KSR2: variants seen among roughly 807,000 people sequenced by gnomAD.
KSR2 encodes the protein kinase suppressor of ras 2.
A neutral mutation model predicts 107.8 loss-of-function variants in KSR2; 25 were observed. The observed-to-expected ratio is 0.23, with a 90% CI of 0.17 to 0.32. KSR2 has a LOEUF of 0.32. Ranked by LOEUF, KSR2 falls within the 10% of genes least tolerant of loss-of-function variation. The probability of loss-of-function intolerance (pLI) is 1.00; values close to 1 mark genes in which losing one functional copy is unlikely to be tolerated. For missense variants in KSR2, 887 were observed against 1,268.9 expected (o/e 0.70, Z 4.57); for synonymous variants, 480 against 507.0 (o/e 0.95, Z 0.71).
At chr12:117,941,032 C>T (rs1048864723) in intron 1 of KSR2, among the ~76,000 whole-genome samples, 2 of 152,036 alleles carry the variant, frequency 1.3e-5, no homozygotes, top group African/African-American at 2.4e-5. Context: ...TTGCAGTGAG[C>T]CAAGATCGTG....
At chr12:117,792,885 ACAC>A (rs1172564487) in intron 3 of KSR2, among the ~76,000 whole-genome samples, 1 of 151,736 alleles carries the variant, frequency 6.6e-6, no homozygotes, top group Non-Finnish European at 1.5e-5. Flanking sequence ...ATGCACACAC[ACAC>A]AACATGCAGA....
At chr12:117,537,973 C>T (rs1448013224) in intron 10 of KSR2, among the ~76,000 whole-genome samples, 2 of 152,144 alleles carry the variant, frequency 1.3e-5, no homozygotes, top group East Asian at 1.9e-4. Context: ...ATCCCTTGGT[C>T]CATAAATAAG....
chr12:117,824,955 G>C (rs1891690050), intron 3 of KSR2, among the ~76,000 whole-genome samples: 2 of 151,994 alleles, frequency 1.3e-5, no homozygotes, highest in Admixed American at 6.6e-5. Context: ...TGAGGTGGGT[G>C]GATCACTTGA....
At chr12:117,624,550 T>C (rs1348724599) in intron 5 of KSR2, among the ~76,000 whole-genome samples, 1 of 152,232 alleles carries the variant, frequency 6.6e-6, no homozygotes, top group Non-Finnish European at 1.5e-5. Flanking sequence ...GTGTTATTTC[T>C]GAGACCTGTC....
At chr12:117,660,100 G>C (rs1044146391) in intron 5 of KSR2, among the ~76,000 whole-genome samples, 1 of 152,110 alleles carries the variant, frequency 6.6e-6, no homozygotes, top group Non-Finnish European at 1.5e-5. Context: ...GTTCCAGCTG[G>C]CATTTAAGGT....
At chr12:117,687,778 T>C (rs1228138059) in intron 4 of KSR2, among the ~76,000 whole-genome samples, 1 of 152,138 alleles carries the variant, frequency 6.6e-6, no homozygotes, top group Non-Finnish European at 1.5e-5. Context: ...TGAGTCTCTC[T>C]TGGGAATATG....
chr12:117,894,744 T>TC (rs998703412), intron 1 of KSR2, among the ~76,000 whole-genome samples: 2 of 52,272 alleles, frequency 3.8e-5, no homozygotes, highest in Non-Finnish European at 6.8e-5. Flanking sequence ...CCTCTCCCCC[T>TC]CCCCCTCTCC....
At chr12:117,653,364 C>T (rs1385277779) in intron 5 of KSR2, among the ~76,000 whole-genome samples, 3 of 152,262 alleles carry the variant, frequency 2.0e-5, no homozygotes, top group East Asian at 1.9e-4. Flanking sequence ...AGGCAATTTA[C>T]CTTCAGCTGG....
At chr12:117,905,929 GATT>G (rs1255905231) in intron 1 of KSR2, among the ~76,000 whole-genome samples, 1 of 150,726 alleles carries the variant, frequency 6.6e-6, no homozygotes, top group African/African-American at 2.4e-5. Flanking sequence ...AAAAAAAAAT[GATT>G]ATAGTAGTGA....
intron 14 of KSR2, among the ~76,000 whole-genome samples, chr12:117,497,147 G>A (rs568366993): frequency 3.9e-5 from 6 of 152,178 alleles, no homozygotes; most frequent in Admixed American, 3.3e-4. Flanking sequence ...TGAAGTGCTA[G>A]GATTATAGGC....
chr12:117,484,913 T>G (rs1872375485), intron 15 of KSR2, among the ~76,000 whole-genome samples: 1 of 152,210 alleles, frequency 6.6e-6, no homozygotes, highest in Non-Finnish European at 1.5e-5. Context: ...GACTAGATAG[T>G]CAGATCTACT....
At chr12:117,796,886 G>A (rs1191396137) in intron 3 of KSR2, among the ~76,000 whole-genome samples, 1 of 152,114 alleles carries the variant, frequency 6.6e-6, no homozygotes, top group African/African-American at 2.4e-5. Context: ...CAACTCCACA[G>A]CCAAGGAGGC....
chr12:117,909,864 C>T (rs899233060), intron 1 of KSR2, among the ~76,000 whole-genome samples: 7 of 150,924 alleles, frequency 4.6e-5, no homozygotes, highest in African/African-American at 1.2e-4. Flanking sequence ...GTCGAGATCA[C>T]GCCACTGCAT....
chr12:117,643,722 C>A (rs1182151958), intron 5 of KSR2, among the ~76,000 whole-genome samples: 3 of 151,864 alleles, frequency 2.0e-5, no homozygotes, highest in Admixed American at 1.3e-4. Context: ...GTTAAATAGC[C>A]CCCCGATTCT....
At chr12:117,598,781 G>A (rs1176471624) in intron 5 of KSR2, among the ~76,000 whole-genome samples, 1 of 151,836 alleles carries the variant, frequency 6.6e-6, no homozygotes, top group Non-Finnish European at 1.5e-5. Flanking sequence ...GCCCTTTGCA[G>A]AGAAGCAAGG....
At chr12:117,866,760 C>T (rs868809829) in intron 1 of KSR2, among the ~76,000 whole-genome samples, 2 of 151,830 alleles carry the variant, frequency 1.3e-5, no homozygotes, top group African/African-American at 2.4e-5. Context: ...ACCCGGGAGG[C>T]GGAGGTTGCA....
chr12:117,939,957 ACAC>A (rs1895959949), intron 1 of KSR2, among the ~76,000 whole-genome samples: 1 of 150,990 alleles, frequency 6.6e-6, no homozygotes, highest in Admixed American at 6.6e-5. Flanking sequence ...ACACACACAC[ACAC>A]ACACACACAC....
intron 7 of KSR2, among the ~76,000 whole-genome samples, chr12:117,570,568 AGAACT>A (rs1217103126): frequency 2.6e-5 from 4 of 152,262 alleles, no homozygotes; most frequent in African/African-American, 7.2e-5. Flanking sequence ...AAAATTTTCC[AGAACT>A]TCGATGTTGC....
intron 3 of KSR2, among the ~76,000 whole-genome samples, chr12:117,848,838 GTGGTGA>G (rs1373278821): frequency 2.1e-5 from 2 of 93,464 alleles, no homozygotes; most frequent in Admixed American, 2.6e-4. Context: ...GGTGGTAGTG[GTGGTGA>G]TGGTGATGAT....
Sources: gnomAD v4.1 joint callset for allele counts (sites outside exome capture counted in the v4.1 genomes callset) on GRCh38, gnomAD v4.1.1 for gene constraint, MANE v1.5 for transcripts, NCBI Gene and HGNC (gene_info 2026-07-23, HGNC 2026-07-21) for gene names.